The following EYA1 variants were observed in gnomAD, a reference collection of about 807,000 sequenced individuals.
EYA1 encodes the protein EYA transcriptional coactivator and phosphatase 1.
In EYA1, 16 loss-of-function variants were observed where a neutral mutation model predicts 82.0. The ratio of observed to expected loss-of-function variants is 0.20; its 90% CI spans 0.13 to 0.30. The LOEUF (loss-of-function observed/expected upper bound fraction) is 0.30. EYA1 is among the 10% of genes least tolerant of loss of function. The pLI is 1.00. For synonymous variants in EYA1, 261 were observed against 264.4 expected, an observed-to-expected ratio of 0.99 and a Z score of 0.12; for missense variants, 633 against 730.7, an observed-to-expected ratio of 0.87 and a Z score of 1.54.
At chr8:71,426,092 A>G (rs975253765) in intron 2 of EYA1, among the ~76,000 whole-genome samples, 5 of 152,240 alleles carry the variant, frequency 3.3e-5, no homozygotes, top group Admixed American at 2.6e-4. Flanking sequence ...AGTGTTGACT[A>G]ATAAGAATAT....
At chr8:71,443,655 C>T (rs745397843) in intron 2 of EYA1, among the ~76,000 whole-genome samples, 20 of 152,160 alleles carry the variant, frequency 1.3e-4, no homozygotes, top group Non-Finnish European at 2.1e-4. Context: ...AGAAAACTCA[C>T]ATTTCCAAGA....
intron 2 of EYA1, among the ~76,000 whole-genome samples, chr8:71,471,481 A>C (rs1212663865): frequency 1.3e-5 from 2 of 152,056 alleles, no homozygotes; most frequent in South Asian, 2.1e-4. Context: ...TCATATCTAT[A>C]CCTATATATA....
Position 71,199,252 on chromosome 8 carries a change from T to G in EYA1, c.*88A>C. 3.1e-6 allele frequency: 3 copies of G among 975,090 alleles called. No homozygotes were observed. The Admixed American group carries it at 5.9e-5, about 19-fold the overall frequency. The allele number at this position is 975,090 out of a possible 1,614,324, so 60.4% of individuals were successfully genotyped here. A position where few individuals can be genotyped will look rare whatever the true frequency, so the allele number is the denominator to read the frequency against. On this transcript the variant is annotated 3_prime_UTR_variant, in exon 18 of 18. Coordinates refer to ENST00000340726, the MANE Select transcript of EYA1 (RefSeq NM_000503.6). ...TCACCAGGCGGAAATTGCTAAGTTC[T>G]GGAGGCCGGCGCTGATGCGAGACTG...
chr8:71,455,802 A>C (rs1586752559), intron 2 of EYA1, among the ~76,000 whole-genome samples: 1 of 152,216 alleles, frequency 6.6e-6, no homozygotes, highest in East Asian at 1.9e-4. Flanking sequence ...CTGATGTCAT[A>C]CTGAATGGGC....
chr8:71,496,635 T>C (rs1327643269), intron 2 of EYA1, among the ~76,000 whole-genome samples: 2 of 152,222 alleles, frequency 1.3e-5, no homozygotes, highest in African/African-American at 2.4e-5. Context: ...ATTTCTTTTA[T>C]GTGAACTAAC....
At chr8:71,371,040 A>T (rs1828052058) in intron 2 of EYA1, among the ~76,000 whole-genome samples, 1 of 152,206 alleles carries the variant, frequency 6.6e-6, no homozygotes, top group South Asian at 2.1e-4. Context: ...CTGAAAAGCA[A>T]TCAAAGTTAC....
chr8:71,426,670 T>C (rs1586695685), intron 2 of EYA1, among the ~76,000 whole-genome samples: 1 of 152,328 alleles, frequency 6.6e-6, no homozygotes, highest in East Asian at 1.9e-4. Flanking sequence ...GTTTGCAAAA[T>C]AGAGATCTAG....
intron 2 of EYA1, among the ~76,000 whole-genome samples, chr8:71,368,478 G>A (rs548728715): frequency 1.9e-3 from 294 of 151,286 alleles, no homozygotes; most frequent in African/African-American, 6.7e-3. Context: ...GTGAAGGAGG[G>A]ACAGGACAAA....
At chr8:71,371,497 A>C (rs1290169834) in intron 2 of EYA1, among the ~76,000 whole-genome samples, 1 of 152,184 alleles carries the variant, frequency 6.6e-6, no homozygotes, top group Admixed American at 6.5e-5. Context: ...GATCACTCTA[A>C]AGTAAAAATC....
At chr8:71,505,197 A>T (rs1011394940) in intron 2 of EYA1, among the ~76,000 whole-genome samples, 1 of 152,178 alleles carries the variant, frequency 6.6e-6, no homozygotes, top group Non-Finnish European at 1.5e-5. Context: ...CCACAAATAT[A>T]TAAAATGAAA....
At chr8:71,258,235 A>C (rs750913163) in intron 11 of EYA1, among the ~76,000 whole-genome samples, 1 of 152,196 alleles carries the variant, frequency 6.6e-6, no homozygotes, top group Non-Finnish European at 1.5e-5. Context: ...GTATTCTATA[A>C]ATCATAAAAG....
chr8:71,476,090 A>G (rs1239544877), intron 2 of EYA1, among the ~76,000 whole-genome samples: 1 of 152,120 alleles, frequency 6.6e-6, no homozygotes, highest in Non-Finnish European at 1.5e-5. Flanking sequence ...TAATCCTACA[A>G]ACAACTTTCT....
At chr8:71,419,335 G>T (rs942583692) in intron 2 of EYA1, among the ~76,000 whole-genome samples, 7 of 152,046 alleles carry the variant, frequency 4.6e-5, no homozygotes, top group African/African-American at 1.7e-4. Context: ...CTACCATCTT[G>T]ACTTAAAGCA....
At chr8:71,473,061 G>T (rs1294825417) in intron 2 of EYA1, among the ~76,000 whole-genome samples, 6 of 151,786 alleles carry the variant, frequency 4.0e-5, no homozygotes. Flanking sequence ...CTCTAGCATG[G>T]TAGCTTTAAA....
intron 13 of EYA1, 28 bp downstream of exon 13, chr8:71,216,937 T>G: frequency 1.2e-6 from 2 of 1,612,172 alleles, no homozygotes; most frequent in Non-Finnish European, 1.7e-6. Context: ...AAAAGGGAGA[T>G]GGTCACTTCA....
rs569605692 is a variant in EYA1, at chr8:71,370,574, A to G, written c.34-14063T>C. 8.6e-5 allele frequency among the ~76,000 whole-genome samples: 13 copies of G among 151,950 alleles called. No homozygotes were observed. The South Asian group carries it at 2.7e-3, about 32-fold the overall frequency. Reference sequence around the variant, plus strand: ...GGATTTTTTTAAGGCACAAATCCCCAAGAATGAAGAAAAGCAGGTAATAGG... The same window carrying G: ...GGATTTTTTTAAGGCACAAATCCCCGAGAATGAAGAAAAGCAGGTAATAGG... On this transcript the variant is annotated intron_variant, in intron 2 of 18. Coordinates refer to the EYA1 transcript ENST00000643681.
chr8:71,225,068 T>C (rs1212960683), intron 12 of EYA1: 1 of 297,536 alleles, frequency 3.4e-6, no homozygotes, highest in Non-Finnish European at 6.8e-6. Flanking sequence ...AATTAGTAAA[T>C]TTGCAGGAAC....
chr8:71,493,603 T>C (rs2129227461), intron 2 of EYA1, among the ~76,000 whole-genome samples: 1 of 152,332 alleles, frequency 6.6e-6, no homozygotes, highest in Non-Finnish European at 1.5e-5. Flanking sequence ...AAAATCACTT[T>C]ACTCCCATTA....
At chr8:71,265,316 G>C (rs1815662356) in intron 11 of EYA1, among the ~76,000 whole-genome samples, 1 of 152,116 alleles carries the variant, frequency 6.6e-6, no homozygotes, top group Admixed American at 6.5e-5. Context: ...AAATAGGCTT[G>C]ATAACAGCAC....
Sources: gnomAD v4.1 joint callset for allele counts (sites outside exome capture counted in the v4.1 genomes callset) on GRCh38, gnomAD v4.1.1 for gene constraint, MANE v1.5 for transcripts, NCBI Gene and HGNC (gene_info 2026-07-23, HGNC 2026-07-21) for gene names.